Variants in PRPSAP1 observed in about 807,000 individuals in gnomAD.
PRPSAP1 encodes the protein phosphoribosyl pyrophosphate synthetase associated protein 1.
A neutral mutation model predicts 39.4 loss-of-function variants in PRPSAP1; 31 were observed. That is an observed-to-expected ratio of 0.79 (90% CI 0.59 to 1.06). PRPSAP1 has a LOEUF of 1.06. PRPSAP1 is among the 50% of genes least tolerant of loss of function. PRPSAP1 has a pLI of 0.00. For synonymous variants in PRPSAP1, 212 were observed against 192.6 expected, an observed-to-expected ratio of 1.10 and a Z score of -0.83; for missense variants, 430 against 511.6, an observed-to-expected ratio of 0.84 and a Z score of 1.54.
intron 3 of PRPSAP1, among the ~76,000 whole-genome samples, chr17:76,338,362 G>C (rs2071400736): frequency 6.6e-6 from 1 of 152,048 alleles, no homozygotes; most frequent in South Asian, 2.1e-4. Context: ...CCCAACAACA[G>C]AAAAACCTGT....
At chr17:76,350,890 G>A (rs1489860517) in intron 1 of PRPSAP1, among the ~76,000 whole-genome samples, 4 of 152,016 alleles carry the variant, frequency 2.6e-5, no homozygotes, top group Non-Finnish European at 5.9e-5. Flanking sequence ...AAATTAGCGG[G>A]GTGTGGTGGT....
At chr17:76,344,650 T>G (rs775093472) in intron 3 of PRPSAP1, 21 bp downstream of exon 3, 8 of 1,483,818 alleles carry the variant, frequency 5.4e-6, no homozygotes, top group East Asian at 2.3e-5. Context: ...AGAAAAGAGA[T>G]AAAGTAGTCA....
intron 8 of PRPSAP1, chr17:76,313,480 C>G (rs2279055): frequency 0.086 from 26,129 of 303,398 alleles, 3,405 homozygotes; most frequent in African/African-American, 0.37. Context: ...CCCATTCTTA[C>G]TTGTGAAAAC....
intron 3 of PRPSAP1, among the ~76,000 whole-genome samples, chr17:76,342,039 A>C (rs1322277699): frequency 1.3e-5 from 2 of 152,194 alleles, no homozygotes; most frequent in Non-Finnish European, 2.9e-5. Context: ...GAAAATGTGA[A>C]TTAGTATATC....
intron 3 of PRPSAP1, among the ~76,000 whole-genome samples, chr17:76,339,968 C>T (rs1254556338): frequency 6.6e-6 from 1 of 151,366 alleles, no homozygotes; most frequent in East Asian, 1.9e-4. Flanking sequence ...CCTGTCTCTA[C>T]TAAAAATACA....
chr17:76,330,309 A>G (rs550354825), intron 5 of PRPSAP1: 40 of 602,402 alleles, frequency 6.6e-5, no homozygotes, highest in Non-Finnish European at 1.1e-4. Context: ...AATAATTCTT[A>G]AAACATTCAT....
intron 7 of PRPSAP1, among the ~76,000 whole-genome samples, chr17:76,322,429 A>G (rs1487291058): frequency 1.3e-5 from 2 of 152,144 alleles, no homozygotes; most frequent in African/African-American, 2.4e-5. Flanking sequence ...CAGTCTTTCG[A>G]CAGCTCTGAT....
chr17:76,332,191 A>C lies in PRPSAP1; in HGVS notation c.463+72T>G, dbSNP rs2071328720. ...AGATCCCAGATTGGATATCTGAGGT[A>C]TGAGCTAAGTCCAACTAGGAAAGAG... On this transcript the variant is annotated intron_variant, in intron 4 of 9. Transcript: ENST00000446526. 76 of 1,526,994 alleles carry C rather than the reference A, an allele frequency of 5.0e-5. No homozygotes were observed. In the South Asian group the frequency reaches 8.9e-4, roughly 18 times the overall value. The allele number at this position is 1,526,994 out of a possible 1,614,324, so 94.6% of individuals were successfully genotyped here.
intron 3 of PRPSAP1, among the ~76,000 whole-genome samples, chr17:76,340,566 A>G (rs1267505327): frequency 6.6e-6 from 1 of 151,784 alleles, no homozygotes; most frequent in Admixed American, 6.6e-5. Flanking sequence ...GACACTAACA[A>G]TATGCTGTTT....
chr17:76,313,785 G>A (rs775069362), intron 8 of PRPSAP1, 36 bp downstream of exon 8: 1 of 1,610,622 alleles, frequency 6.2e-7, no homozygotes, highest in Non-Finnish European at 8.5e-7. Context: ...AGAGCCAGGA[G>A]TGCCACCTCT....
Position 76,344,680 on chromosome 17 carries a change from G to A in PRPSAP1, c.281C>T (p.Thr94Ile). ...TAGTCAGTCCTCTTACCTGGGTATT[G>A]TCTGTATAATGAAAATATCTTGGCC... is the stretch of plus-strand genomic sequence containing the variant. ...VRGQDIFIIQ[T>I]IPRDVNTAVM... Residue 94 changes from threonine (T) to isoleucine (I), a missense_variant, in exon 3 of 10, where the codon ACA (threonine) becomes ATA (isoleucine). Coordinates refer to ENST00000446526, the MANE Select transcript of PRPSAP1 (RefSeq NM_002766.3). The A allele has an allele frequency of 6.4e-7, 1 of 1,570,596 alleles. No individual in the cohort carries two copies. The highest frequency in any genetic ancestry group is 8.7e-7 in the Non-Finnish European group (1 of 1,150,240).
chr17:76,345,931 C>G (rs563401252), intron 2 of PRPSAP1: 1 of 450,304 alleles, frequency 2.2e-6, no homozygotes, highest in East Asian at 6.5e-5. Context: ...GTCTGCTAAA[C>G]CTGCTCCTCC....
chr17:76,342,637 G>C (rs2071451757), intron 3 of PRPSAP1, among the ~76,000 whole-genome samples: 1 of 151,326 alleles, frequency 6.6e-6, no homozygotes, highest in African/African-American at 2.4e-5. Flanking sequence ...GGATCGCTTT[G>C]AGTTCAGGAG....
chr17:76,338,082 T>C (rs1360564756), intron 3 of PRPSAP1, among the ~76,000 whole-genome samples: 1 of 152,166 alleles, frequency 6.6e-6, no homozygotes, highest in African/African-American at 2.4e-5. Context: ...AAAATAATCA[T>C]TTTGTTCTGA....
intron 7 of PRPSAP1, among the ~76,000 whole-genome samples, chr17:76,322,997 T>C (rs983570225): frequency 1.3e-5 from 2 of 151,256 alleles, no homozygotes; most frequent in African/African-American, 2.4e-5. Flanking sequence ...CCTGTCACTG[T>C]ACTCCAGCCT....
At chr17:76,334,431 G>A (rs74392789) in intron 3 of PRPSAP1, among the ~76,000 whole-genome samples, 6,280 of 152,230 alleles carry the variant, frequency 0.041, 175 homozygotes, top group Non-Finnish European at 0.062. Context: ...AAGGGTAATC[G>A]AGCCATTTCC....
intron 3 of PRPSAP1, among the ~76,000 whole-genome samples, chr17:76,333,861 T>C (rs184982102): frequency 6.6e-6 from 1 of 152,128 alleles, no homozygotes; most frequent in African/African-American, 2.4e-5. Flanking sequence ...CATTCATTCA[T>C]TCATTCATTC....
intron 7 of PRPSAP1, among the ~76,000 whole-genome samples, chr17:76,324,268 T>C (rs547663143): frequency 6.6e-6 from 1 of 152,070 alleles, no homozygotes; most frequent in African/African-American, 2.4e-5. Flanking sequence ...CCTTGAACCT[T>C]GTTAGAACAT....
intron 3 of PRPSAP1, among the ~76,000 whole-genome samples, chr17:76,332,677 T>A (rs372106696): frequency 6.6e-6 from 1 of 152,070 alleles, no homozygotes; most frequent in Non-Finnish European, 1.5e-5. Context: ...ACCCTCACAT[T>A]TGCCTGGGTC....
Sources: allele counts gnomAD v4.1 joint callset (sites outside exome capture counted in the v4.1 genomes callset), GRCh38; gene constraint gnomAD v4.1.1; transcripts MANE v1.5; gene names NCBI Gene and HGNC (gene_info 2026-07-23, HGNC 2026-07-21).